Variants in DNAH5 observed in about 807,000 individuals in gnomAD.
The protein encoded by DNAH5 is dynein axonemal heavy chain 5.
DNAH5 carries 372 observed loss-of-function variants against 518.2 expected under a neutral mutation model. The ratio of observed to expected loss-of-function variants is 0.72; its 90% confidence interval spans 0.66 to 0.78. The LOEUF is 0.78. Among genes scored for constraint, DNAH5 ranks in the 30% least tolerant of loss-of-function variants. DNAH5 has a pLI of 0.00. For synonymous variants in DNAH5, 2,039 were observed against 2,025.9 expected, an observed-to-expected ratio of 1.01 and a Z score of -0.17; for missense variants, 5,523 against 5,687.0, an observed-to-expected ratio of 0.97 and a Z score of 0.93.
chr5:13,974,091 C>T (rs566461475), intron 1 of DNAH5, among the ~76,000 whole-genome samples: 5 of 151,854 alleles, frequency 3.3e-5, no homozygotes, highest in Non-Finnish European at 7.4e-5. Flanking sequence ...CCTGAATAAA[C>T]ATCATTTTCT....
chr5:13,823,460 G>C (rs974536733), intron 39 of DNAH5, 90 bp from the exon 40 acceptor site: 2 of 836,474 alleles, frequency 2.4e-6, no homozygotes, highest in Admixed American at 3.6e-5. Flanking sequence ...CACAGTCCGG[G>C]TTATTGCAAT....
chr5:13,735,888 G>A lies in DNAH5; in HGVS notation c.11500C>T (p.Arg3834Cys), dbSNP rs1579972564. 6 of 1,614,100 alleles carry A rather than the reference G, an allele frequency of 3.7e-6. No homozygotes were observed. In the South Asian group the frequency reaches 5.5e-5, roughly 15 times the overall value. Residue 3834 changes from arginine to cysteine, a missense_variant, in exon 67 of 79, where the codon CGC becomes TGC. Coordinates refer to ENST00000265104, the MANE Select transcript of DNAH5 (RefSeq NM_001369.3). ...SILYFLITEM[R>C]LVNEMYQTSL... ...GTCTGATACATCTCATTAACCAAGC[G>A]CATCTCAGTAATGAGGAAGTAGAGG...
chr5:13,987,811 G>T (rs942495071), intron 1 of DNAH5, among the ~76,000 whole-genome samples: 7 of 150,092 alleles, frequency 4.7e-5, no homozygotes, highest in African/African-American at 1.7e-4. Context: ...CCAAGATGGC[G>T]CCACTGCACT....
At chr5:13,950,221 A>G (rs1354203834) in intron 1 of DNAH5, among the ~76,000 whole-genome samples, 1 of 152,118 alleles carries the variant, frequency 6.6e-6, no homozygotes, top group Non-Finnish European at 1.5e-5. Flanking sequence ...TTTTCTCCAT[A>G]AGAGTTTTTT....
At chr5:13,751,945 A>T (rs919194578) in intron 64 of DNAH5, among the ~76,000 whole-genome samples, 189 bp downstream of exon 64, 1 of 152,182 alleles carries the variant, frequency 6.6e-6, no homozygotes, top group Non-Finnish European at 1.5e-5. Flanking sequence ...ACAAAAGTGA[A>T]GTCAATACTC....
At chr5:13,905,256 T>A (rs1376861719) in intron 12 of DNAH5, among the ~76,000 whole-genome samples, 1 of 152,210 alleles carries the variant, frequency 6.6e-6, no homozygotes, top group Non-Finnish European at 1.5e-5. Flanking sequence ...GTGATGATAT[T>A]AAGAGGTGGC....
intron 1 of DNAH5, among the ~76,000 whole-genome samples, chr5:14,010,372 A>G (rs2152091697): frequency 6.6e-6 from 1 of 152,360 alleles, no homozygotes; most frequent in South Asian, 2.1e-4. Context: ...AAGCAAGCAT[A>G]ATTAATAAAA....
At chr5:13,807,202 T>G (rs997620413) in intron 47 of DNAH5, among the ~76,000 whole-genome samples, 1 of 152,142 alleles carries the variant, frequency 6.6e-6, no homozygotes, top group Non-Finnish European at 1.5e-5. Flanking sequence ...TAAAGATTAT[T>G]ACAAAGTGCC....
At chr5:14,011,001 A>G (rs1430539641) in intron 1 of DNAH5, among the ~76,000 whole-genome samples, 6 of 128,510 alleles carry the variant, frequency 4.7e-5, no homozygotes, top group Non-Finnish European at 9.2e-5. Context: ...ATATTCACTT[A>G]AAAAAAAAAA....
At chr5:13,757,168 T>G (rs1751113363) in intron 61 of DNAH5, among the ~76,000 whole-genome samples, 1 of 152,240 alleles carries the variant, frequency 6.6e-6, no homozygotes, top group Admixed American at 6.5e-5. Flanking sequence ...AATGAACATA[T>G]TCACACAGGT....
Position 13,989,618 on chromosome 5 carries a change from G to A in DNAH5, c.12+22030C>T, listed in dbSNP as rs540641396. ...CCTGCCTCAGCCTCCGGAGTAGCTG[G>A]GACTACAGGCGCCCGCCATCACACC... On this transcript the variant is annotated intron_variant, in intron 1 of 78. Transcript: ENST00000681290. Among the ~76,000 whole-genome samples the A allele has an allele frequency of 3.6e-3, 548 of 151,802 alleles. 1 individual carries two copies. Among genetic ancestry groups the A allele is most frequent in the Non-Finnish European group, 6.0e-3 (405 of 67,934 alleles).
chr5:13,793,359 T>C lies in DNAH5; in HGVS notation c.8224+156A>G, dbSNP rs116450608. Among the ~76,000 whole-genome samples, 1,138 of 152,156 alleles carry C rather than the reference T, an allele frequency of 7.5e-3. 14 individuals are homozygous for C. The highest frequency in any genetic ancestry group is 0.026 in the African/African-American group (1,067 of 41,522). On this transcript the variant is annotated intron_variant, in intron 49 of 78. Transcript: ENST00000265104. ...AGGAAACACCTAGAATCAATCCCTA[T>C]AGGAAATGAAATACACTGCTTGAGA...
chr5:13,773,299 A>G (rs948155409), intron 55 of DNAH5, among the ~76,000 whole-genome samples: 1 of 152,200 alleles, frequency 6.6e-6, no homozygotes, highest in Non-Finnish European at 1.5e-5. Context: ...AGAAAATGGG[A>G]AAATTTCAAA....
At chr5:13,923,474 G>C in intron 3 of DNAH5, 34 bp from the exon 4 acceptor site, 1 of 1,612,318 alleles carries the variant, frequency 6.2e-7, no homozygotes, top group Non-Finnish European at 8.5e-7. Flanking sequence ...TTTCACAAAT[G>C]CTTTTTGCAG....
chr5:13,970,773 C>T (rs1397833139), intron 1 of DNAH5, among the ~76,000 whole-genome samples: 3 of 152,090 alleles, frequency 2.0e-5, no homozygotes, highest in Admixed American at 6.5e-5. Flanking sequence ...TAGGTGATGA[C>T]CTTTTTGCTA....
At chr5:13,710,659 C>T (rs978178551) in intron 75 of DNAH5, among the ~76,000 whole-genome samples, 1 of 151,774 alleles carries the variant, frequency 6.6e-6, no homozygotes, top group Admixed American at 6.6e-5. Context: ...TCCAAATAAC[C>T]TCACTGAGAA....
chr5:13,768,974 C>T lies in DNAH5; in HGVS notation c.9883G>A (p.Glu3295Lys), dbSNP rs1580139539. The T allele has an allele frequency of 1.4e-5, 23 of 1,614,170 alleles. No homozygotes were observed. In the East Asian group the frequency reaches 5.1e-4, roughly 36 times the overall value. ...EAAKPALEEA[E>K]AALQTIRPSD... ...CATAGATGCACCTGCAATGCAGCTT[C>T]TGCCTCTTCTAAAGCTGGTTTTGCT... Residue 3295 changes from glutamate to lysine, a missense_variant, in exon 58 of 79, where the codon GAA becomes AAA. Physicochemically the swap from Glu to Lys is moderately conservative, Grantham distance 56. Transcript: ENST00000265104.
intron 51 of DNAH5, among the ~76,000 whole-genome samples, chr5:13,786,614 C>A (rs1756065848): frequency 6.6e-6 from 1 of 152,162 alleles, no homozygotes; most frequent in Non-Finnish European, 1.5e-5. Flanking sequence ...TTTGAACCCA[C>A]AACTGATTAT....
At chr5:13,739,119 C>T (rs1165095388) in intron 65 of DNAH5, among the ~76,000 whole-genome samples, 1 of 152,100 alleles carries the variant, frequency 6.6e-6, no homozygotes, top group Non-Finnish European at 1.5e-5. Flanking sequence ...AAGCTCACAT[C>T]TCTAGACCAG....
Sources: allele counts gnomAD v4.1 joint callset (sites outside exome capture counted in the v4.1 genomes callset), GRCh38; gene constraint gnomAD v4.1.1; transcripts MANE v1.5; gene names NCBI Gene and HGNC (gene_info 2026-07-23, HGNC 2026-07-21).